RBFOX1: variants seen among roughly 807,000 people sequenced by gnomAD.
RBFOX1 encodes the protein RNA binding fox-1 homolog 1.
Under a neutral mutation model 57.7 loss-of-function variants are expected in RBFOX1, and 8 were observed. The ratio of observed to expected loss-of-function variants is 0.14; its 90% CI spans 0.08 to 0.25. The LOEUF (loss-of-function observed/expected upper bound fraction) is 0.25, where lower values mean the gene tolerates loss of function less well. Among genes scored for constraint, RBFOX1 ranks in the 10% least tolerant of loss-of-function variants. The probability of loss-of-function intolerance (pLI) is 1.00; values close to 1 mark genes in which losing one functional copy is unlikely to be tolerated. For synonymous variants in RBFOX1, 326 were observed against 222.4 expected, an observed-to-expected ratio of 1.47 and a Z score of -4.15; for missense variants, 611 against 548.5, an observed-to-expected ratio of 1.11 and a Z score of -1.14.
chr16:7,022,029 T>TCCCCTCCCCTTCCCCCTCCTCTTCCCCC (rs1415016044), intron 3 of RBFOX1, among the ~76,000 whole-genome samples: 1 of 7,142 alleles, frequency 1.4e-4, no homozygotes, highest in Non-Finnish European at 2.0e-4. Context: ...CCCCCTCCCC[T>TCCCCTCCCCTTCCCCCTCCTCTTCCCCC]TCCCCTCCCC....
intron 3 of RBFOX1, among the ~76,000 whole-genome samples, chr16:6,806,594 A>C (rs1017438230): frequency 6.6e-6 from 1 of 151,814 alleles, no homozygotes; most frequent in Admixed American, 6.6e-5. Flanking sequence ...TTCCCAGCAA[A>C]TTTGATCACA....
chr16:5,991,360 T>C (rs74960792), intron 4 of RBFOX1, among the ~76,000 whole-genome samples: 3,681 of 152,194 alleles, frequency 0.024, 134 homozygotes, highest in East Asian at 0.14. Context: ...TAGCTACAGC[T>C]CACAGTTAGT....
chr16:7,646,625 T>A (rs980488330), intron 11 of RBFOX1, among the ~76,000 whole-genome samples: 4 of 152,316 alleles, frequency 2.6e-5, no homozygotes, highest in Non-Finnish European at 5.9e-5. Context: ...TTCAAACCAG[T>A]GCACAAATGC....
chr16:7,212,256 T>C (rs1188624564), intron 4 of RBFOX1, among the ~76,000 whole-genome samples: 1 of 152,146 alleles, frequency 6.6e-6, no homozygotes, highest in Non-Finnish European at 1.5e-5. Flanking sequence ...CTACTAAATT[T>C]TGCCATCACA....
At chr16:7,698,073 C>G (rs925794836) in intron 14 of RBFOX1, among the ~76,000 whole-genome samples, 3 of 152,034 alleles carry the variant, frequency 2.0e-5, no homozygotes, top group African/African-American at 7.2e-5. Flanking sequence ...GGTTAATTCA[C>G]CAGACGTCTT....
At chr16:6,846,007 C>T (rs1209930526) in intron 3 of RBFOX1, among the ~76,000 whole-genome samples, 1 of 152,346 alleles carries the variant, frequency 6.6e-6, no homozygotes, top group East Asian at 1.9e-4. Context: ...GTAAAATGAA[C>T]CTGTGCATCT....
chr16:5,956,674 A>ATTTT (rs1479571823), intron 4 of RBFOX1, among the ~76,000 whole-genome samples: 36 of 89,210 alleles, frequency 4.0e-4, no homozygotes, highest in African/African-American at 9.3e-4. Context: ...ATATATATAT[A>ATTTT]TATATTTTTT....
intron 2 of RBFOX1, among the ~76,000 whole-genome samples, chr16:6,436,511 CTTTTT>C (rs61508952): frequency 9.7e-5 from 10 of 103,394 alleles, no homozygotes; most frequent in African/African-American, 1.3e-4. Flanking sequence ...TTTTTCTTCA[CTTTTT>C]TTTTTTTTTT....
chr16:5,479,882 T>G (rs1313042995), intron 2 of RBFOX1, among the ~76,000 whole-genome samples: 2 of 152,136 alleles, frequency 1.3e-5, no homozygotes, highest in Admixed American at 1.3e-4. Flanking sequence ...CCACCAGGCA[T>G]TTTGCTCAGA....
intron 4 of RBFOX1, among the ~76,000 whole-genome samples, chr16:5,986,409 G>C (rs1476074027): frequency 6.6e-6 from 1 of 152,148 alleles, no homozygotes; most frequent in African/African-American, 2.4e-5. Flanking sequence ...AGGCAGTTCT[G>C]ATCAGAAACT....
intron 2 of RBFOX1, among the ~76,000 whole-genome samples, chr16:6,344,847 T>C (rs2085124174): frequency 6.6e-6 from 1 of 151,812 alleles, no homozygotes; most frequent in Admixed American, 6.6e-5. Context: ...TGTGCCACCA[T>C]GCTCCACTAA....
intron 4 of RBFOX1, among the ~76,000 whole-genome samples, chr16:7,420,435 G>C (rs2098529317): frequency 6.6e-6 from 1 of 152,180 alleles, no homozygotes; most frequent in Non-Finnish European, 1.5e-5. Flanking sequence ...AAAAAGAGCA[G>C]CTTTTGTGAA....
chr16:6,360,750 CATTT>C (rs1178238034), intron 2 of RBFOX1, among the ~76,000 whole-genome samples: 1 of 152,122 alleles, frequency 6.6e-6, no homozygotes, highest in Non-Finnish European at 1.5e-5. Flanking sequence ...AGAAGCTATT[CATTT>C]GTTTTTCTCA....
chr16:5,991,364 A>T (rs2060392514), intron 4 of RBFOX1, among the ~76,000 whole-genome samples: 1 of 152,184 alleles, frequency 6.6e-6, no homozygotes, highest in Admixed American at 6.5e-5. Context: ...TACAGCTCAC[A>T]GTTAGTGAGC....
rs551850196 is a variant in RBFOX1, at chr16:6,536,983, C to A, written c.-63-117620C>A. ...CTAGTCTAAGGGGATTCCTTCCTAT[C>A]CATTGTCTTTTCTGGGGAAAGAAAC... On this transcript the variant is annotated intron_variant, in intron 2 of 15. Transcript: ENST00000550418. Among the ~76,000 whole-genome samples, 47 of 152,152 alleles carry A rather than the reference C, an allele frequency of 3.1e-4. 1 individual carries two copies. Among genetic ancestry groups the A allele is most frequent in the African/African-American group, 1.1e-3 (46 of 41,432 alleles).
intron 4 of RBFOX1, among the ~76,000 whole-genome samples, chr16:7,196,315 G>A (rs1453888494): frequency 1.3e-5 from 2 of 152,112 alleles, no homozygotes; most frequent in Non-Finnish European, 2.9e-5. Context: ...TCATCCTGAA[G>A]ATGTCTCAGG....
chr16:6,800,661 A>C (rs1014700926), intron 3 of RBFOX1, among the ~76,000 whole-genome samples: 5 of 151,950 alleles, frequency 3.3e-5, no homozygotes, highest in African/African-American at 1.2e-4. Context: ...TCTCCCTAAA[A>C]TTTTTGCCTT....
At chr16:7,637,290 A>G (rs2061931565) in intron 11 of RBFOX1, among the ~76,000 whole-genome samples, 1 of 130,204 alleles carries the variant, frequency 7.7e-6, no homozygotes, top group Non-Finnish European at 1.7e-5. Flanking sequence ...AAAAAGAAGG[A>G]AAAAAAAGAT....
chr16:6,242,714 G>T (rs548238322), intron 1 of RBFOX1, among the ~76,000 whole-genome samples: 25 of 150,770 alleles, frequency 1.7e-4, no homozygotes, highest in Non-Finnish European at 3.2e-4. Context: ...TATTAGCATT[G>T]CATCTTTTTA....
Sources: gnomAD v4.1 joint callset for allele counts (sites outside exome capture counted in the v4.1 genomes callset) on GRCh38, gnomAD v4.1.1 for gene constraint, MANE v1.5 for transcripts, NCBI Gene and HGNC (gene_info 2026-07-23, HGNC 2026-07-21) for gene names.